Variants in EIF2S3B observed in about 807,000 individuals in gnomAD.
EIF2S3B encodes eukaryotic translation initiation factor 2 subunit gamma B.
EIF2S3B carries 16 observed loss-of-function variants against 26.4 expected under a neutral mutation model. The observed-to-expected ratio is 0.61, with a 90% CI of 0.41 to 0.92. The LOEUF (loss-of-function observed/expected upper bound fraction) is 0.92, where lower values mean the gene tolerates loss of function less well. Among genes scored for constraint, EIF2S3B ranks in the 40% least tolerant of loss-of-function variants. EIF2S3B has a pLI of 0.00. For synonymous variants in EIF2S3B, 183 were observed against 204.4 expected (o/e 0.90, Z 0.89); for missense variants, 510 against 575.5 (o/e 0.89, Z 1.16).
chr12:10,510,237 T>C (rs748633118), downstream of EIF2S3B, among the ~76,000 whole-genome samples: 1 of 152,106 alleles, frequency 6.6e-6, no homozygotes, highest in East Asian at 1.9e-4. Flanking sequence ...CTACTCCCCT[T>C]CCTCTGCAGG....
Position 10,507,411 on chromosome 12 carries a change from G to T in EIF2S3B, c.*90G>T, listed in dbSNP as rs1864650007. The T allele has an allele frequency of 6.9e-7, 1 of 1,453,974 alleles. No individual in the cohort carries two copies. Among genetic ancestry groups the T allele is most frequent in the East Asian group, 2.3e-5 (1 of 43,994 alleles). The allele number at this position is 1,453,974 out of a possible 1,614,324, so 90.1% of individuals were successfully genotyped here. On this transcript the variant is annotated 3_prime_UTR_variant, in exon 1 of 1. Transcript: ENST00000538173. ...GGGGTTTATTTTCAAAGCGATATTGGGGAATTGATTTCACAGTTTGTTACC... is the reference window on the plus strand; with the variant it reads ...GGGGTTTATTTTCAAAGCGATATTGTGGAATTGATTTCACAGTTTGTTACC...
At chr12:10,508,897 T>C (rs987160021), downstream of EIF2S3B, among the ~76,000 whole-genome samples, 6 of 152,252 alleles carry the variant, frequency 3.9e-5, no homozygotes, top group Middle Eastern at 3.4e-3. Context: ...AAATCTCTTA[T>C]ATGTTAAAGC....
chr12:10,514,361 CT>C (rs1217957113), intron 1 of EIF2S3B, among the ~76,000 whole-genome samples: 1 of 152,022 alleles, frequency 6.6e-6, no homozygotes, highest in Non-Finnish European at 1.5e-5. Context: ...TGTTACAAAG[CT>C]TTTTTTGTCA....
At chr12:10,509,925 T>C (rs565750744), downstream of EIF2S3B, among the ~76,000 whole-genome samples, 9 of 152,286 alleles carry the variant, frequency 5.9e-5, no homozygotes, top group South Asian at 6.2e-4. Flanking sequence ...ATTTGCATTC[T>C]TCATTGTTTT....
downstream of EIF2S3B, among the ~76,000 whole-genome samples, chr12:10,512,096 A>G (rs541819579): frequency 1.3e-4 from 20 of 152,324 alleles, no homozygotes; most frequent in Admixed American, 6.5e-4. Context: ...CCTGAAATTA[A>G]AAGACAAATG....
chr12:10,520,061 G>T (rs1415642031), intron 1 of EIF2S3B, among the ~76,000 whole-genome samples: 2 of 147,934 alleles, frequency 1.4e-5, no homozygotes, highest in Non-Finnish European at 3.0e-5. Flanking sequence ...ACATGCACAC[G>T]TATGTTTATT....
Position 10,506,528 on chromosome 12 carries a change from C to G in EIF2S3B, c.626C>G (p.Ala209Gly). 4 of 1,593,184 alleles carry G rather than the reference C, an allele frequency of 2.5e-6. No homozygotes were observed. Among genetic ancestry groups the G allele is most frequent in the Non-Finnish European group, 3.4e-6 (4 of 1,160,876 alleles). ...AAAGAACAATACGAGCAGATCCTTG[C>G]GTTTGTCCAAGGTACAGTAGCAGAG... is the stretch of plus-strand genomic sequence containing the variant. ...QAKEQYEQILAFVQGTVAEGA... is the reference protein window; with the variant it reads ...QAKEQYEQILGFVQGTVAEGA... The change falls in exon 1 of 1, where the codon GCG becomes GGG. Residue 209 changes from alanine to glycine, a missense_variant. Physicochemically the swap from Ala to Gly is moderately conservative, Grantham distance 60. Transcript: ENST00000538173.
intron 1 of EIF2S3B, among the ~76,000 whole-genome samples, chr12:10,516,433 A>G (rs1168596788): frequency 6.6e-6 from 1 of 152,152 alleles, no homozygotes; most frequent in Non-Finnish European, 1.5e-5. Context: ...CAAAGCCCTC[A>G]GAATTAGAGC....
Position 10,507,089 on chromosome 12 carries a change from A to T in EIF2S3B, c.1187A>T (p.Gln396Leu), listed in dbSNP as rs775734944. The stretch of plus-strand genomic sequence containing the variant: ...GGAGACAAGAAAGCAGCAAAGGTTC[A>T]AAAGCTGTCTAAGAATGAAGTGCTC... Reference protein sequence around the residue: ...TEGDKKAAKVQKLSKNEVLMV... With the variant: ...TEGDKKAAKVLKLSKNEVLMV... Residue 396 changes from glutamine to leucine, a missense_variant, in exon 1 of 1, where the codon CAA (glutamine) becomes CTA (leucine). Coordinates refer to ENST00000538173, the MANE Select transcript of EIF2S3B (RefSeq NM_001357734.3). 5.6e-6 allele frequency: 9 copies of T among 1,613,698 alleles called. No individual in the cohort carries two copies. Among genetic ancestry groups the T allele is most frequent in the African/African-American group, 1.3e-5 (1 of 74,926 alleles).
chr12:10,510,046 T>G (rs1264528769), downstream of EIF2S3B, among the ~76,000 whole-genome samples: 1 of 152,186 alleles, frequency 6.6e-6, no homozygotes, highest in Non-Finnish European at 1.5e-5. Context: ...GTAAGTCATC[T>G]CTTTTCGACT....
Position 10,506,460 on chromosome 12 carries a change from G to C in EIF2S3B, c.558G>C (p.Leu186Phe), listed in dbSNP as rs751636750. The change falls in exon 1 of 1, where the codon TTG becomes TTC. Residue 186 changes from leucine (L) to phenylalanine (F), a missense_variant. Leu to Phe is a conservative substitution (Grantham distance 22). Transcript: ENST00000538173. ...AGATCATGAAACTGAAGCATATTTT[G>C]ATTCTACAAAATAAAATTGATTTGG... ...AIEIMKLKHI[L>F]ILQNKIDLVK... 1.2e-6 allele frequency: 2 copies of C among 1,612,112 alleles called. No homozygotes were observed. Among genetic ancestry groups the C allele is most frequent in the African/African-American group, 2.7e-5 (2 of 74,880 alleles).
intron 1 of EIF2S3B, among the ~76,000 whole-genome samples, chr12:10,515,993 CA>C (rs1409022118): frequency 2.0e-5 from 3 of 150,162 alleles, no homozygotes; most frequent in African/African-American, 7.4e-5. Flanking sequence ...TATACACTAA[CA>C]TATTTTTAAA....
At chr12:10,520,005 A>G (rs79082263) in intron 1 of EIF2S3B, among the ~76,000 whole-genome samples, 1 of 151,716 alleles carries the variant, frequency 6.6e-6, no homozygotes, top group Non-Finnish European at 1.5e-5. Flanking sequence ...CCATCCCATT[A>G]CTGGGTATAT....
At chr12:10,519,280 T>C (rs1394671654) in intron 1 of EIF2S3B, among the ~76,000 whole-genome samples, 2 of 152,124 alleles carry the variant, frequency 1.3e-5, no homozygotes, top group South Asian at 2.1e-4. Flanking sequence ...ATTTAATAAA[T>C]GGTGCTGGGA....
downstream of EIF2S3B, among the ~76,000 whole-genome samples, chr12:10,508,959 A>G (rs967773129): frequency 6.6e-6 from 1 of 152,156 alleles, no homozygotes; most frequent in African/African-American, 2.4e-5. Flanking sequence ...TCTAATATTT[A>G]TGTGAGGGTA....
At position 10,506,422 on chromosome 12, in the gene EIF2S3B, C is replaced by T. The variant is rs772630021; in HGVS notation, c.520C>T (p.Leu174=). ...CCCTCAGCCTCAGACATCTGAACACCTGGCTGCTATAGAGATCATGAAACT... is the reference window on the plus strand; with the variant it reads ...CCCTCAGCCTCAGACATCTGAACACTTGGCTGCTATAGAGATCATGAAACT... The part of the protein sequence containing the change: ...SCPQPQTSEH[L]AAIEIMKLKH... Residue 174 remains leucine, a synonymous_variant, in exon 1 of 1, where the codon CTG becomes TTG. Coordinates refer to ENST00000538173, the MANE Select transcript of EIF2S3B (RefSeq NM_001357734.3). 3 of 1,613,774 alleles carry T rather than the reference C, an allele frequency of 1.9e-6. No homozygotes were observed. The East Asian group carries it at 6.7e-5, about 36-fold the overall frequency.
chr12:10,522,893 A>G (rs931447831), exon 2 of EIF2S3B: 2 of 417,890 alleles, frequency 4.8e-6, no homozygotes, highest in Non-Finnish European at 8.6e-6. Flanking sequence ...TATTATTTAT[A>G]TCAGTCCAAG....
chr12:10,508,822 T>C (rs1864675613), downstream of EIF2S3B, among the ~76,000 whole-genome samples: 1 of 152,070 alleles, frequency 6.6e-6, no homozygotes, highest in Admixed American at 6.5e-5. Flanking sequence ...ATTCTTCATA[T>C]ACAGGATTTA....
intron 1 of EIF2S3B, among the ~76,000 whole-genome samples, chr12:10,516,231 C>T (rs1864756560): frequency 1.3e-5 from 2 of 151,910 alleles, no homozygotes; most frequent in Admixed American, 6.6e-5. Context: ...TACAAAGTTT[C>T]GTAGAGGTTC....
Sources: allele counts gnomAD v4.1 joint callset (sites outside exome capture counted in the v4.1 genomes callset), GRCh38; gene constraint gnomAD v4.1.1; transcripts MANE v1.5; gene names NCBI Gene and HGNC (gene_info 2026-07-23, HGNC 2026-07-21).